The following IPPK variants were observed in gnomAD, a reference collection of about 807,000 sequenced individuals.
The protein encoded by IPPK is IPK1 homolog.
In IPPK, 22 loss-of-function variants were observed where a neutral mutation model predicts 64.6. The ratio of observed to expected loss-of-function variants is 0.34; its 90% CI spans 0.24 to 0.49. The LOEUF (loss-of-function observed/expected upper bound fraction) is 0.49. IPPK is among the 20% of genes least tolerant of loss of function. The probability of loss-of-function intolerance (pLI) is 0.99; values close to 1 mark genes in which losing one functional copy is unlikely to be tolerated. For missense variants in IPPK, 532 were observed against 630.7 expected (o/e 0.84, Z 1.68); for synonymous variants, 262 against 247.2 (o/e 1.06, Z -0.56).
At chr9:92,653,705 C>T (rs1212539227) in intron 3 of IPPK, among the ~76,000 whole-genome samples, 7 of 152,184 alleles carry the variant, frequency 4.6e-5, no homozygotes, top group South Asian at 4.2e-4. Flanking sequence ...CAAAATTAGC[C>T]GGGTGTGGTG....
intron 5 of IPPK, among the ~76,000 whole-genome samples, chr9:92,648,649 G>C (rs557582435): frequency 6.6e-6 from 1 of 152,194 alleles, no homozygotes. Flanking sequence ...GCTGAGCCTC[G>C]GGCACTGGAG....
rs774051132 is a variant in IPPK, at chr9:92,634,464, A to T, written c.1092T>A (p.Pro364=). ...GCTTCTGGTAAAATGCTTCATCATA[A>T]GGCCCATCTATTTGTAAGGTTTTTC... ...EERKTLQIDG[P]YDEAFYQKLL... Residue 364 remains proline, a synonymous_variant, in exon 11 of 13, where the codon CCT becomes CCA. Transcript: ENST00000287996. 7 of 1,613,792 alleles carry T rather than the reference A, an allele frequency of 4.3e-6. No homozygotes were observed. Among genetic ancestry groups the T allele is most frequent in the African/African-American group, 1.3e-5 (1 of 74,930 alleles).
chr9:92,641,208 G>C (rs895937151), intron 7 of IPPK, among the ~76,000 whole-genome samples: 4 of 152,206 alleles, frequency 2.6e-5, no homozygotes, highest in Non-Finnish European at 5.9e-5. Context: ...GGGCCACGAA[G>C]GGAGTGCTGG....
intron 1 of IPPK, among the ~76,000 whole-genome samples, chr9:92,664,613 C>G (rs72756443): frequency 0.04 from 6,040 of 152,224 alleles, 184 homozygotes; most frequent in South Asian, 0.11. Flanking sequence ...GGGGCTGACC[C>G]CTATAGGCAT....
chr9:92,640,561 G>A, intron 8 of IPPK, 149 bp downstream of exon 8: 1 of 677,150 alleles, frequency 1.5e-6, no homozygotes, highest in Non-Finnish European at 2.7e-6. Flanking sequence ...GGTCCAAGGT[G>A]ATGACTGAAC....
intron 11 of IPPK, chr9:92,619,846 G>C: frequency 2.1e-6 from 1 of 476,518 alleles, no homozygotes; most frequent in South Asian, 2.5e-5. Context: ...TGAGACGGAT[G>C]ATCTGTCTTC....
chr9:92,619,207 T>C (rs1450256726), intron 12 of IPPK: 9 of 386,426 alleles, frequency 2.3e-5, no homozygotes, highest in Non-Finnish European at 3.9e-5. Context: ...GTCCACATTG[T>C]TTCTGAGCTC....
chr9:92,626,020 T>C lies in IPPK; in HGVS notation c.1171-6455A>G, dbSNP rs180842532. Among the ~76,000 whole-genome samples the C allele has an allele frequency of 3.7e-3, 565 of 150,968 alleles. 3 individuals carry two copies. Among genetic ancestry groups the C allele is most frequent in the African/African-American group, 0.012 (504 of 41,208 alleles). On this transcript the variant is annotated intron_variant, in intron 11 of 12. Transcript: ENST00000287996. The stretch of plus-strand genomic sequence containing the variant: ...AGAAATAAAAGACAGAATTTTGAAA[T>C]AGACAAGCCACAAGGAACTAGAAAA...
chr9:92,656,444 A>T lies in IPPK; in HGVS notation c.225+12T>A. On this transcript the variant is annotated intron_variant, in intron 3 of 12. Transcript: ENST00000287996. ...ATGCCCAAGAATTCAGATGTGAATA[A>T]AAAGCACTTACCCCATAATGAACAT... The T allele has an allele frequency of 1.3e-6, 2 of 1,571,548 alleles. No homozygotes were observed. The highest frequency in any genetic ancestry group is 1.8e-6 in the Non-Finnish European group (2 of 1,141,026).
chr9:92,642,931 G>T, intron 6 of IPPK, 121 bp from the exon 7 acceptor site: 1 of 817,270 alleles, frequency 1.2e-6, no homozygotes, highest in Non-Finnish European at 2.1e-6. Context: ...GCCTTGCCCC[G>T]GAAAAGGTGC....
intron 7 of IPPK, among the ~76,000 whole-genome samples, chr9:92,642,198 C>T (rs1165526296): frequency 1.3e-5 from 2 of 152,256 alleles, no homozygotes; most frequent in Non-Finnish European, 2.9e-5. Flanking sequence ...CCTTCCTGAC[C>T]ACAAAGGCTC....
rs575091476 is a variant in IPPK at position 92,657,073 on chromosome 9, G to A, written c.130-522C>T. Among the ~76,000 whole-genome samples the A allele has an allele frequency of 2.6e-5, 4 of 152,272 alleles. No homozygotes were observed. In the East Asian group the frequency reaches 7.7e-4, roughly 29 times the overall value. On this transcript the variant is annotated intron_variant, in intron 2 of 12. Transcript: ENST00000287996. ...CTTCTGACAAAAAAAACCCTGGCCA[G>A]GAGCAGTGGCTCATGCCTGTAATCC...
rs1044839952 is a variant in IPPK, at chr9:92,656,503, T to C, written c.178A>G (p.Lys60Glu). Residue 60 changes from lysine (K) to glutamate (E), a missense_variant, in exon 3 of 13, where the codon AAA (lysine) becomes GAA (glutamate). By Grantham distance (56) the Lys-to-Glu change is moderately conservative. Transcript: ENST00000287996. Reference sequence around the variant, plus strand: ...CCCAAAAACTCCTTCATGACATTTTTCCCAAAGTCCACTATGTTCTGCAGG... The same window carrying C: ...CCCAAAAACTCCTTCATGACATTTTCCCCAAAGTCCACTATGTTCTGCAGG... ...QHLQNIVDFG[K>E]NVMKEFLGEN... 3.1e-6 allele frequency: 5 copies of C among 1,613,712 alleles called. No individual in the cohort carries two copies. The South Asian group carries it at 3.3e-5, about 11-fold the overall frequency.
chr9:92,620,883 G>A (rs1459672332), intron 11 of IPPK, among the ~76,000 whole-genome samples: 1 of 152,196 alleles, frequency 6.6e-6, no homozygotes, highest in African/African-American at 2.4e-5. Context: ...GATTAAGGGA[G>A]TGTCCTAGCC....
chr9:92,637,318 G>A (rs1254076078), intron 9 of IPPK, among the ~76,000 whole-genome samples: 1 of 152,130 alleles, frequency 6.6e-6, no homozygotes, highest in Admixed American at 6.6e-5. Flanking sequence ...AAAAACAAAA[G>A]AAAAAATTGG....
intron 4 of IPPK, among the ~76,000 whole-genome samples, chr9:92,651,256 T>C (rs759409029): frequency 6.6e-5 from 10 of 152,208 alleles, no homozygotes; most frequent in Non-Finnish European, 7.3e-5. Context: ...CACACCCTCA[T>C]TGCCTGGCTG....
At chr9:92,625,993 A>G (rs1195105305) in intron 11 of IPPK, among the ~76,000 whole-genome samples, 1 of 152,212 alleles carries the variant, frequency 6.6e-6, no homozygotes, top group Non-Finnish European at 1.5e-5. Context: ...TAAATTGCTT[A>G]AAGAAATAAA....
rs759970387 is a variant in IPPK, at chr9:92,670,026, C to T, written c.-38G>A. 15 of 1,508,156 alleles carry T rather than the reference C, an allele frequency of 9.9e-6. No individual in the cohort carries two copies. The highest frequency in any genetic ancestry group is 1.4e-5 in the Non-Finnish European group (15 of 1,107,620). 93.4% of individuals were successfully genotyped at this position (1,508,156 alleles called of 1,614,324 possible). ...CCCTGGCGCCTCGCGGGCTAGGACT[C>T]GGGGACGCGAGCTGGGGGCCGCCCG... On this transcript the variant is annotated 5_prime_UTR_variant, in exon 1 of 13. Transcript: ENST00000287996.
chr9:92,641,303 G>A lies in IPPK; in HGVS notation c.564-521C>T, dbSNP rs73528037. On this transcript the variant is annotated intron_variant, in intron 7 of 12. Transcript: ENST00000287996. Reference sequence around the variant, plus strand: ...GATGGCCTCCTCCCCTACCCCCAACGGAGGAACCTCTGGAGGCCAAGCTGC... The same window carrying A: ...GATGGCCTCCTCCCCTACCCCCAACAGAGGAACCTCTGGAGGCCAAGCTGC... 5.7e-3 allele frequency among the ~76,000 whole-genome samples: 862 copies of A among 152,248 alleles called. 13 individuals carry two copies. Among genetic ancestry groups the A allele is most frequent in the African/African-American group, 0.02 (810 of 41,532 alleles).
Sources: gnomAD v4.1 joint callset for allele counts (sites outside exome capture counted in the v4.1 genomes callset) on GRCh38, gnomAD v4.1.1 for gene constraint, MANE v1.5 for transcripts, NCBI Gene and HGNC (gene_info 2026-07-23, HGNC 2026-07-21) for gene names.